Variants in TBPL2 observed in about 807,000 individuals in gnomAD.
The protein encoded by TBPL2 is TATA box-binding protein-like 2.
In TBPL2, 40 loss-of-function variants were observed where a neutral mutation model predicts 38.2. The ratio of observed to expected loss-of-function variants is 1.05; its 90% CI spans 0.81 to 1.36. TBPL2 has a LOEUF of 1.36. Among genes scored for constraint, TBPL2 ranks in the 40% most tolerant of loss-of-function variants. The pLI is 0.00. For missense variants in TBPL2, 461 were observed against 456.7 expected, an observed-to-expected ratio of 1.01 and a Z score of -0.09; for synonymous variants, 169 against 171.7, an observed-to-expected ratio of 0.98 and a Z score of 0.12.
At chr14:55,433,331 T>TTA (rs1885962729) in intron 4 of TBPL2, among the ~76,000 whole-genome samples, 1 of 117,722 alleles carries the variant, frequency 8.5e-6, no homozygotes. Flanking sequence ...TTTTTTTTTT[T>TTA]TAACAGAGAT....
At chr14:55,432,071 T>G (rs566839757) in intron 4 of TBPL2, among the ~76,000 whole-genome samples, 34 of 151,878 alleles carry the variant, frequency 2.2e-4, no homozygotes, top group South Asian at 6.2e-4. Flanking sequence ...AAGAAAAAAA[T>G]GGGATAAAAT....
intron 3 of TBPL2, among the ~76,000 whole-genome samples, chr14:55,434,959 G>A (rs148802423): frequency 1.6e-4 from 25 of 152,188 alleles, no homozygotes; most frequent in African/African-American, 5.5e-4. Context: ...CTGGCAAATC[G>A]TTAAAAGTTG....
At chr14:55,439,633 A>G (rs1408848861) in intron 1 of TBPL2, among the ~76,000 whole-genome samples, 1 of 68,112 alleles carries the variant, frequency 1.5e-5, no homozygotes, top group Non-Finnish European at 2.9e-5. Flanking sequence ...CGTCTCTACT[A>G]AAAAATACAA....
intron 4 of TBPL2, among the ~76,000 whole-genome samples, chr14:55,432,817 G>C (rs1885953305): frequency 6.6e-6 from 1 of 152,192 alleles, no homozygotes; most frequent in Non-Finnish European, 1.5e-5. Context: ...CCACTACAGA[G>C]TTATGGTGAA....
chr14:55,435,847 C>A, exon 3 of TBPL2: 1 of 1,555,016 alleles, frequency 6.4e-7, no homozygotes, highest in South Asian at 1.2e-5. Context: ...GAAATGTTAC[C>A]TTTGGGTTAT....
At chr14:55,435,962 TATATC>T (rs764728966) in intron 2 of TBPL2, 28 bp from the exon 3 acceptor site, 7 of 1,370,484 alleles carry the variant, frequency 5.1e-6, no homozygotes, top group Middle Eastern at 1.8e-4. Context: ...TTTAGAAACT[TATATC>T]AGATATAAAG....
chr14:55,435,965 A>G, intron 2 of TBPL2, 31 bp from the exon 3 acceptor site: 1 of 1,343,302 alleles, frequency 7.4e-7, no homozygotes, highest in Non-Finnish European at 1.0e-6. Context: ...AGAAACTTAT[A>G]TCAGATATAA....
intron 4 of TBPL2, among the ~76,000 whole-genome samples, chr14:55,432,537 A>T (rs1419189814): frequency 6.6e-6 from 1 of 151,732 alleles, no homozygotes; most frequent in Non-Finnish European, 1.5e-5. Context: ...CAAAAACAAA[A>T]GATAAATCTC....
intron 6 of TBPL2, among the ~76,000 whole-genome samples, chr14:55,423,471 AG>A (rs1298539115): frequency 6.6e-6 from 1 of 152,252 alleles, no homozygotes; most frequent in Non-Finnish European, 1.5e-5. Context: ...TAGCAAACAA[AG>A]AAGGAACATT....
intron 1 of TBPL2, among the ~76,000 whole-genome samples, chr14:55,439,618 C>CT (rs139547551): frequency 0.15 from 8,807 of 60,298 alleles, 1,427 homozygotes; most frequent in Non-Finnish European, 0.18. Context: ...AAGCAAACCC[C>CT]CCCCCGTCTC....
At position 55,439,613 on chromosome 14, in the gene TBPL2, A is replaced by ACCCC. The variant is rs143930267; in HGVS notation, c.150+782_150+783insGGGG. On this transcript the variant is annotated intron_variant, in intron 1 of 6. Coordinates refer to ENST00000247219, the Ensembl canonical transcript of TBPL2. ...CAACACCAGCCTGGGGAGAAAAGCAAACCCCCCCCCGTCTCTACTAAAAAA... is the reference window on the plus strand; with the variant it reads ...CAACACCAGCCTGGGGAGAAAAGCAACCCCACCCCCCCCCGTCTCTACTAAAAAA... 6.7e-4 allele frequency among the ~76,000 whole-genome samples: 32 copies of ACCCC among 47,978 alleles called. 1 individual carries two copies. Among genetic ancestry groups the ACCCC allele is most frequent in the African/African-American group, 2.4e-3 (23 of 9,558 alleles). The allele number at this position is 47,978 out of a possible 152,430, so 31.5% of individuals were successfully genotyped here. A position where few individuals can be genotyped will look rare whatever the true frequency, so the allele number is the denominator to read the frequency against.
intron 6 of TBPL2, among the ~76,000 whole-genome samples, chr14:55,415,838 C>G (rs1449813757): frequency 1.3e-5 from 2 of 152,106 alleles, no homozygotes; most frequent in African/African-American, 4.8e-5. Flanking sequence ...TACACTCCAG[C>G]CTGGGCGACA....
At chr14:55,426,087 T>C (rs1885816917) in intron 5 of TBPL2, among the ~76,000 whole-genome samples, 1 of 151,926 alleles carries the variant, frequency 6.6e-6, no homozygotes, top group Admixed American at 6.6e-5. Context: ...GCCAATATGG[T>C]AAAACCTCGT....
At chr14:55,438,873 CT>C (rs1886057615) in intron 1 of TBPL2, 1 of 146,406 alleles carries the variant, frequency 6.8e-6, no homozygotes, top group Non-Finnish European at 1.5e-5. Flanking sequence ...TACCTCAGTG[CT>C]GATCATTGTC....
intron 6 of TBPL2, among the ~76,000 whole-genome samples, chr14:55,421,584 C>A (rs1171023091): frequency 1.3e-5 from 2 of 152,198 alleles, no homozygotes; most frequent in African/African-American, 2.4e-5. Context: ...CTGCCTCAGC[C>A]TCCCAAGTAG....
chr14:55,434,747 G>A (rs560970783), intron 3 of TBPL2, among the ~76,000 whole-genome samples: 2 of 152,246 alleles, frequency 1.3e-5, no homozygotes, highest in East Asian at 1.9e-4. Flanking sequence ...GTAACATCGA[G>A]GTAACATTTA....
intron 4 of TBPL2, among the ~76,000 whole-genome samples, chr14:55,431,044 T>TA (rs1885917272): frequency 6.6e-6 from 1 of 152,202 alleles, no homozygotes; most frequent in Non-Finnish European, 1.5e-5. Context: ...TTAAAAATCT[T>TA]AAAATCTCAC....
chr14:55,418,088 C>G (rs1009573247), intron 6 of TBPL2, among the ~76,000 whole-genome samples: 5 of 152,222 alleles, frequency 3.3e-5, no homozygotes, highest in African/African-American at 1.2e-4. Context: ...GAGGAATATA[C>G]TTCCAGCTTA....
intron 6 of TBPL2, among the ~76,000 whole-genome samples, chr14:55,423,637 A>C (rs994792492): frequency 1.3e-5 from 2 of 152,210 alleles, no homozygotes; most frequent in East Asian, 1.9e-4. Flanking sequence ...TTGGGGAAAA[A>C]ATATTACATA....
Sources: allele counts gnomAD v4.1 joint callset (sites outside exome capture counted in the v4.1 genomes callset), GRCh38; gene constraint gnomAD v4.1.1; transcripts MANE v1.5; gene names NCBI Gene and HGNC (gene_info 2026-07-23, HGNC 2026-07-21).